RABEP1: variants seen among roughly 807,000 people sequenced by gnomAD.
The protein encoded by RABEP1 is rab GTPase-binding effector protein 1.
In RABEP1, 51 loss-of-function variants were observed where a neutral mutation model predicts 123.4. The ratio of observed to expected loss-of-function variants is 0.41; its 90% confidence interval spans 0.33 to 0.52. The LOEUF is 0.52. RABEP1 is among the 20% of genes least tolerant of loss of function. RABEP1 has a pLI of 0.16. For synonymous variants in RABEP1, 347 were observed against 355.2 expected (o/e 0.98, Z 0.26); for missense variants, 888 against 996.3 (o/e 0.89, Z 1.46).
chr17:5,374,678 C>CCA (rs1056703504), intron 13 of RABEP1, among the ~76,000 whole-genome samples: 8 of 151,954 alleles, frequency 5.3e-5, no homozygotes, highest in African/African-American at 1.9e-4. Flanking sequence ...CTTGCTCTGT[C>CCA]ACCCAGGCTG....
At chr17:5,368,644 T>C (rs1910285221) in intron 12 of RABEP1, among the ~76,000 whole-genome samples, 176 bp downstream of exon 12, 1 of 152,260 alleles carries the variant, frequency 6.6e-6, no homozygotes, top group Admixed American at 6.5e-5. Context: ...ATTATTCCTT[T>C]TTTAAACCTA....
intron 2 of RABEP1, among the ~76,000 whole-genome samples, chr17:5,329,818 CATATAT>C (rs61446536): frequency 2.3e-3 from 326 of 143,114 alleles, no homozygotes; most frequent in Non-Finnish European, 3.5e-3. Flanking sequence ...TATATATGTT[CATATAT>C]ATATATATAT....
chr17:5,340,103 A>T lies in RABEP1; in HGVS notation c.648+1965A>T, dbSNP rs541012236. ...TTAAAATTGACCTTTACAGAATACAATCAGAAAAAATTATTAGTAGAGCTA... is the reference window on the plus strand; with the variant it reads ...TTAAAATTGACCTTTACAGAATACATTCAGAAAAAATTATTAGTAGAGCTA... On this transcript the variant is annotated intron_variant, in intron 5 of 17. Transcript: ENST00000537505. 7.5e-4 allele frequency among the ~76,000 whole-genome samples: 115 copies of T among 152,322 alleles called. 2 individuals are homozygous for T. The highest frequency in any genetic ancestry group is 1.2e-3 in the Non-Finnish European group (79 of 68,028).
At chr17:5,354,641 GT>G in intron 8 of RABEP1, 151 bp downstream of exon 8, 1 of 644,952 alleles carries the variant, frequency 1.6e-6, no homozygotes, top group South Asian at 3.1e-5. Flanking sequence ...ATTTTCAGTT[GT>G]TTTTATGGCA....
chr17:5,326,230 C>T (rs949499235), intron 2 of RABEP1, among the ~76,000 whole-genome samples: 7 of 152,222 alleles, frequency 4.6e-5, no homozygotes, highest in Non-Finnish European at 8.8e-5. Context: ...GTCACAACTT[C>T]GAAGCATGGA....
intron 16 of RABEP1, 113 bp from the exon 17 acceptor site, chr17:5,381,276 G>A (rs531768785): frequency 1.2e-5 from 17 of 1,469,486 alleles, no homozygotes; most frequent in South Asian, 6.9e-5. Context: ...ATAGGAGTGC[G>A]ACGGATATCC....
At chr17:5,300,428 C>A (rs1324959807) in intron 1 of RABEP1, among the ~76,000 whole-genome samples, 1 of 152,144 alleles carries the variant, frequency 6.6e-6, no homozygotes, top group Non-Finnish European at 1.5e-5. Flanking sequence ...TGTGTCACAT[C>A]AAGGTTACAT....
intron 2 of RABEP1, among the ~76,000 whole-genome samples, chr17:5,311,705 AAAAAAAAAAAAAAAAC>A (rs2075243478): frequency 1.3e-5 from 2 of 150,832 alleles, no homozygotes; most frequent in South Asian, 4.2e-4. Context: ...CTCAAAAAAA[AAAAAAAAAAAAAAAAC>A]AGACTAAAAA....
intron 2 of RABEP1, among the ~76,000 whole-genome samples, chr17:5,326,648 G>A (rs138836602): frequency 2.0e-3 from 307 of 152,288 alleles, no homozygotes; most frequent in African/African-American, 6.8e-3. Context: ...GGTGATGATA[G>A]TGTGCCAGTG....
chr17:5,335,323 T>C lies in RABEP1; in HGVS notation c.507T>C (p.Asn169=). The change falls in exon 4 of 18, where the codon AAT becomes AAC. Residue 169 remains asparagine, a synonymous_variant. Coordinates refer to ENST00000537505, the MANE Select transcript of RABEP1 (RefSeq NM_004703.6). Reference sequence around the variant, plus strand: ...TGTCTGAAGGTCAAGAGGAGGAAAATTTAGAAAATGAAATGAAAAAGGTAT... The same window carrying C: ...TGTCTGAAGGTCAAGAGGAGGAAAACTTAGAAAATGAAATGAAAAAGGTAT... ...RRLSEGQEEE[N]LENEMKKAQE... 6.2e-7 allele frequency: 1 copy of C among 1,612,396 alleles called. No homozygotes were observed. The highest frequency in any genetic ancestry group is 8.5e-7 in the Non-Finnish European group (1 of 1,179,300).
chr17:5,309,348 C>T (rs568826990), intron 2 of RABEP1, among the ~76,000 whole-genome samples: 11 of 147,932 alleles, frequency 7.4e-5, no homozygotes, highest in Admixed American at 1.3e-4. Flanking sequence ...TGTGATGAGT[C>T]GTTAAAACAG....
chr17:5,366,568 C>T (rs1238414854), intron 11 of RABEP1, among the ~76,000 whole-genome samples: 1 of 152,004 alleles, frequency 6.6e-6, no homozygotes, highest in Non-Finnish European at 1.5e-5. Context: ...GCCTCAGCCT[C>T]CTGAGTAGCT....
rs749943582 is a variant in RABEP1 at position 5,354,344 on chromosome 17, T to G, written c.964-15T>G. The stretch of plus-strand genomic sequence containing the variant: ...GGTTACTTGGGTCATATATATGTTT[T>G]TTTCTTCCTTTTAGGAGGATGATGA... On this transcript the variant is annotated splice_polypyrimidine_tract_variant and intron_variant, in intron 7 of 17. Transcript: ENST00000537505. 5.4e-5 allele frequency: 87 copies of G among 1,599,018 alleles called. No individual in the cohort carries two copies. The highest frequency in any genetic ancestry group is 7.0e-5 in the Non-Finnish European group (82 of 1,174,250).
chr17:5,350,712 A>G (rs1429366072), intron 7 of RABEP1, 83 bp downstream of exon 7: 2 of 1,439,326 alleles, frequency 1.4e-6, no homozygotes, highest in Non-Finnish European at 1.9e-6. Context: ...TGTGTATTAG[A>G]GACTGACTTA....
At chr17:5,294,748 C>T (rs575267094) in intron 1 of RABEP1, among the ~76,000 whole-genome samples, 11 of 141,632 alleles carry the variant, frequency 7.8e-5, no homozygotes, top group South Asian at 2.3e-4. Context: ...CCTGGGTTTG[C>T]GCCATTCTCT....
chr17:5,295,520 C>G (rs1233852905), intron 1 of RABEP1, among the ~76,000 whole-genome samples: 1 of 151,654 alleles, frequency 6.6e-6, no homozygotes, highest in Non-Finnish European at 1.5e-5. Context: ...GACACTGCGG[C>G]AAACATCCTG....
At chr17:5,326,850 G>T (rs577739015) in intron 2 of RABEP1, among the ~76,000 whole-genome samples, 1 of 152,124 alleles carries the variant, frequency 6.6e-6, no homozygotes, top group Non-Finnish European at 1.5e-5. Flanking sequence ...TCGTGATGGC[G>T]ATACATTCTC....
rs1324565149 is a variant in RABEP1 at position 5,381,378 on chromosome 17, GTAT to G, written c.2371-9_2371-7del. On this transcript the variant is annotated splice_polypyrimidine_tract_variant and splice_region_variant and intron_variant, in intron 16 of 17. Transcript: ENST00000537505. ...TGGCATTAATCTTCATTCAAAACTT[GTAT>G]TTTTTAGGCTACCGTTGAACAACTA... The G allele has an allele frequency of 2.5e-6, 4 of 1,606,118 alleles. No homozygotes were observed. In the African/African-American group the frequency reaches 4.0e-5, roughly 16 times the overall value.
chr17:5,302,738 G>C (rs1466262295), intron 1 of RABEP1, among the ~76,000 whole-genome samples: 1 of 151,954 alleles, frequency 6.6e-6, no homozygotes, highest in Admixed American at 6.6e-5. Context: ...CTGTTGCCCA[G>C]GCTGGTCTCA....
Sources: allele counts gnomAD v4.1 joint callset (sites outside exome capture counted in the v4.1 genomes callset), GRCh38; gene constraint gnomAD v4.1.1; transcripts MANE v1.5; gene names NCBI Gene and HGNC (gene_info 2026-07-23, HGNC 2026-07-21).